The following CD2AP variants were observed in gnomAD, a reference collection of about 807,000 sequenced individuals.
CD2AP encodes CD2-associated protein.
Under a neutral mutation model 85.1 loss-of-function variants are expected in CD2AP, and 46 were observed. That is an observed-to-expected ratio of 0.54 (90% CI 0.43 to 0.69). The LOEUF (loss-of-function observed/expected upper bound fraction) is 0.69, where lower values mean the gene tolerates loss of function less well. Ranked by LOEUF, CD2AP falls within the 30% of genes least tolerant of loss-of-function variation. The probability of loss-of-function intolerance (pLI) is 0.00; values close to 1 mark genes in which losing one functional copy is unlikely to be tolerated. For missense variants in CD2AP, 769 were observed against 729.5 expected (o/e 1.05, Z -0.62); for synonymous variants, 255 against 252.9 (o/e 1.01, Z -0.08).
chr6:47,557,121 G>A (rs939338534), intron 5 of CD2AP, among the ~76,000 whole-genome samples: 10 of 150,112 alleles, frequency 6.7e-5, no homozygotes, highest in South Asian at 2.1e-4. Context: ...CATAAATGTC[G>A]TCTTTTGAAA....
chr6:47,529,173 C>T (rs1766803915), intron 2 of CD2AP, among the ~76,000 whole-genome samples: 1 of 109,900 alleles, frequency 9.1e-6, no homozygotes, highest in Admixed American at 1.2e-4. Context: ...GTATATTTAA[C>T]TCTAGTACTG....
At chr6:47,504,157 A>G (rs1766067943) in intron 2 of CD2AP, among the ~76,000 whole-genome samples, 1 of 152,236 alleles carries the variant, frequency 6.6e-6, no homozygotes, top group South Asian at 2.1e-4. Context: ...AAAAAAGTAA[A>G]GCATATCTGT....
chr6:47,613,369 G>A (rs1179398531), intron 17 of CD2AP, among the ~76,000 whole-genome samples: 1 of 152,144 alleles, frequency 6.6e-6, no homozygotes, highest in African/African-American at 2.4e-5. Context: ...AAGTCTAAAT[G>A]TCTCCTTGAT....
intron 2 of CD2AP, among the ~76,000 whole-genome samples, chr6:47,518,425 A>G (rs1350878744): frequency 6.6e-6 from 1 of 152,122 alleles, no homozygotes; most frequent in African/African-American, 2.4e-5. Flanking sequence ...GTCATTCTAG[A>G]TTAGTTTTGC....
At chr6:47,622,013 T>C (rs1373758514) in intron 17 of CD2AP, among the ~76,000 whole-genome samples, 1 of 152,228 alleles carries the variant, frequency 6.6e-6, no homozygotes, top group Non-Finnish European at 1.5e-5. Flanking sequence ...TGGGCGGGTC[T>C]TGCTGTGGCT....
intron 12 of CD2AP, among the ~76,000 whole-genome samples, chr6:47,598,365 A>G (rs141948109): frequency 0.036 from 5,423 of 151,224 alleles, 368 homozygotes; most frequent in African/African-American, 0.12. Context: ...AACTAAAAGC[A>G]GATCTACCAT....
intron 2 of CD2AP, among the ~76,000 whole-genome samples, chr6:47,505,439 G>A (rs1766115363): frequency 6.6e-6 from 1 of 150,584 alleles, no homozygotes; most frequent in South Asian, 2.1e-4. Flanking sequence ...TTTCTACACA[G>A]ACACGGCAAC....
At chr6:47,510,791 G>A (rs917850656) in intron 2 of CD2AP, among the ~76,000 whole-genome samples, 1 of 152,046 alleles carries the variant, frequency 6.6e-6, no homozygotes, top group Non-Finnish European at 1.5e-5. Context: ...AAGGATAGAT[G>A]GGGCCGGGCG....
chr6:47,559,000 A>C (rs992483592), intron 5 of CD2AP, among the ~76,000 whole-genome samples: 2 of 152,016 alleles, frequency 1.3e-5, no homozygotes, highest in African/African-American at 4.8e-5. Flanking sequence ...CTCAATTTCA[A>C]AACTTGTTAT....
intron 11 of CD2AP, among the ~76,000 whole-genome samples, chr6:47,593,064 A>G (rs1161249492): frequency 2.6e-5 from 4 of 152,156 alleles, no homozygotes; most frequent in Non-Finnish European, 2.9e-5. Context: ...TGCTAACCCC[A>G]GAAAGACAGT....
At chr6:47,508,546 G>GTT (rs59914741) in intron 2 of CD2AP, among the ~76,000 whole-genome samples, 10 of 91,458 alleles carry the variant, frequency 1.1e-4, no homozygotes, top group African/African-American at 3.1e-4. Flanking sequence ...TTTTTTTTTT[G>GTT]TTTTTTTTTT....
intron 13 of CD2AP, among the ~76,000 whole-genome samples, chr6:47,600,101 G>A (rs974457445): frequency 1.3e-5 from 2 of 151,634 alleles, no homozygotes; most frequent in African/African-American, 4.8e-5. Flanking sequence ...ATTTTGTGTA[G>A]TGCTTTTTGC....
intron 2 of CD2AP, among the ~76,000 whole-genome samples, chr6:47,520,130 G>A (rs924402702): frequency 3.9e-5 from 6 of 152,062 alleles, no homozygotes; most frequent in African/African-American, 1.2e-4. Flanking sequence ...TGGAAAAAAG[G>A]TAGTTCATTT....
chr6:47,541,698 A>AGTGT (rs1767220975), intron 3 of CD2AP, among the ~76,000 whole-genome samples: 1 of 152,216 alleles, frequency 6.6e-6, no homozygotes, highest in Non-Finnish European at 1.5e-5. Context: ...GTCAGAGCTG[A>AGTGT]GGTAACTGTA....
intron 1 of CD2AP, among the ~76,000 whole-genome samples, chr6:47,498,306 G>A (rs1386487470): frequency 3.3e-5 from 5 of 152,278 alleles, no homozygotes; most frequent in Admixed American, 2.6e-4. Flanking sequence ...CCAATGAGAA[G>A]TGTTCCAAGA....
chr6:47,584,269 G>T (rs929225099), intron 11 of CD2AP, among the ~76,000 whole-genome samples: 4 of 152,044 alleles, frequency 2.6e-5, no homozygotes, highest in Non-Finnish European at 1.5e-5. Context: ...CTTTGGTGTT[G>T]TATCTAAAAA....
intron 1 of CD2AP, among the ~76,000 whole-genome samples, chr6:47,502,559 T>G (rs1766024322): frequency 6.6e-6 from 1 of 151,474 alleles, no homozygotes; most frequent in Non-Finnish European, 1.5e-5. Flanking sequence ...AGTAGCACGT[T>G]CTTGGCTCAC....
chr6:47,578,439 C>T (rs764500226), intron 8 of CD2AP, among the ~76,000 whole-genome samples: 5 of 152,108 alleles, frequency 3.3e-5, no homozygotes, highest in Non-Finnish European at 7.4e-5. Context: ...TTGCAAACTC[C>T]TGGCGTCAGG....
intron 8 of CD2AP, among the ~76,000 whole-genome samples, chr6:47,577,778 A>G (rs1768352917): frequency 6.6e-6 from 1 of 151,614 alleles, no homozygotes; most frequent in Admixed American, 6.6e-5. Context: ...GAGTCTTGCT[A>G]TGTTGTCCAG....
Sources: gnomAD v4.1 joint callset for allele counts (sites outside exome capture counted in the v4.1 genomes callset) on GRCh38, gnomAD v4.1.1 for gene constraint, MANE v1.5 for transcripts, NCBI Gene and HGNC (gene_info 2026-07-23, HGNC 2026-07-21) for gene names.